Variants in NELL1 observed in about 807,000 individuals in gnomAD.
NELL1 encodes protein kinase C-binding protein NELL1.
A neutral mutation model predicts 107.4 loss-of-function variants in NELL1; 76 were observed. That is an observed-to-expected ratio of 0.71 (90% CI 0.59 to 0.86). The LOEUF is 0.86. Ranked by LOEUF, NELL1 falls within the 40% of genes least tolerant of loss-of-function variation. The pLI is 0.00. For missense variants in NELL1, 1,024 were observed against 1,005.5 expected (o/e 1.02, Z -0.25); for synonymous variants, 353 against 341.2 (o/e 1.03, Z -0.38).
chr11:21,357,597 G>A (rs1488882422), intron 14 of NELL1, among the ~76,000 whole-genome samples: 3 of 152,014 alleles, frequency 2.0e-5, no homozygotes, highest in Admixed American at 6.6e-5. Flanking sequence ...CTGTTCTGTG[G>A]GTTGTCTGTT....
intron 14 of NELL1, 112 bp downstream of exon 14, chr11:21,229,566 G>A: frequency 1.4e-6 from 2 of 1,412,518 alleles, no homozygotes; most frequent in Non-Finnish European, 9.7e-7. Flanking sequence ...CAGGGTTCCT[G>A]CTCCTGGTTT....
At chr11:21,187,742 A>C (rs1316758127) in intron 13 of NELL1, among the ~76,000 whole-genome samples, 1 of 151,778 alleles carries the variant, frequency 6.6e-6, no homozygotes, top group Non-Finnish European at 1.5e-5. Flanking sequence ...TAGAATGTTC[A>C]AGATAGGCTA....
At chr11:21,035,737 A>G (rs1451107860) in intron 12 of NELL1, among the ~76,000 whole-genome samples, 1 of 152,182 alleles carries the variant, frequency 6.6e-6, no homozygotes, top group Non-Finnish European at 1.5e-5. Flanking sequence ...CATACTTCAA[A>G]ATGATAGGAG....
intron 15 of NELL1, among the ~76,000 whole-genome samples, chr11:21,378,255 G>A (rs914983553): frequency 2.2e-5 from 2 of 90,540 alleles, no homozygotes; most frequent in African/African-American, 1.1e-4. Flanking sequence ...TAAAAAATAT[G>A]CATATATATG....
intron 3 of NELL1, among the ~76,000 whole-genome samples, chr11:20,812,256 T>G (rs1400387463): frequency 1.3e-5 from 2 of 152,210 alleles, no homozygotes; most frequent in Non-Finnish European, 2.9e-5. Flanking sequence ...TTTCACATGG[T>G]GAACCATCCT....
chr11:21,261,765 T>C (rs962480784), intron 14 of NELL1, among the ~76,000 whole-genome samples: 3 of 151,876 alleles, frequency 2.0e-5, no homozygotes, highest in African/African-American at 7.2e-5. Context: ...TACATACATG[T>C]AGTTTAAAGA....
At chr11:20,708,633 C>T (rs1564872984) in intron 2 of NELL1, among the ~76,000 whole-genome samples, 3 of 152,028 alleles carry the variant, frequency 2.0e-5, no homozygotes, top group South Asian at 4.1e-4. Flanking sequence ...AGTTCTTTGT[C>T]AGATGCATAA....
At chr11:20,872,089 C>T (rs1344834654) in intron 4 of NELL1, among the ~76,000 whole-genome samples, 1 of 150,006 alleles carries the variant, frequency 6.7e-6, no homozygotes, top group Non-Finnish European at 1.5e-5. Flanking sequence ...GAGCTATATC[C>T]TGTGGCTGGG....
chr11:20,860,374 A>T (rs1848956740), intron 4 of NELL1, among the ~76,000 whole-genome samples: 1 of 152,196 alleles, frequency 6.6e-6, no homozygotes, highest in African/African-American at 2.4e-5. Context: ...ATTTGCAAAT[A>T]CCTGAATGAA....
At chr11:21,330,743 T>C (rs1850255839) in intron 14 of NELL1, among the ~76,000 whole-genome samples, 1 of 152,076 alleles carries the variant, frequency 6.6e-6, no homozygotes, top group South Asian at 2.1e-4. Context: ...TTGAGCTTCT[T>C]GGATGTGTCA....
chr11:21,390,529 AC>A (rs755963074), intron 15 of NELL1, among the ~76,000 whole-genome samples: 23 of 151,410 alleles, frequency 1.5e-4, no homozygotes, highest in Non-Finnish European at 1.3e-4. Flanking sequence ...ACACACACAC[AC>A]ACACACACGT....
At position 21,309,292 on chromosome 11, in the gene NELL1, ATATATATG is replaced by A. The variant is rs1422360498; in HGVS notation, c.1550-61553_1550-61546del. ...TATATATATATATGTATATATATAT[ATATATATG>A]TATATATATATAATATATATATATA... is the stretch of plus-strand genomic sequence containing the variant. On this transcript the variant is annotated intron_variant, in intron 14 of 19. Transcript: ENST00000357134. Among the ~76,000 whole-genome samples, 750 of 82,042 alleles carry A rather than the reference ATATATATG, an allele frequency of 9.1e-3. 12 individuals are homozygous for A. The highest frequency in any genetic ancestry group is 0.025 in the South Asian group (68 of 2,708). The allele number at this position is 82,042 out of a possible 152,430, so 53.8% of individuals were successfully genotyped here. A position where few individuals can be genotyped will look rare whatever the true frequency, so the allele number is the denominator to read the frequency against.
chr11:21,297,990 G>A (rs1312216318), intron 14 of NELL1, among the ~76,000 whole-genome samples: 1 of 151,854 alleles, frequency 6.6e-6, no homozygotes, highest in Non-Finnish European at 1.5e-5. Flanking sequence ...TGCTTGACAT[G>A]CAAACCTTTT....
chr11:20,803,676 G>A (rs1287636436), intron 3 of NELL1, among the ~76,000 whole-genome samples: 1 of 152,000 alleles, frequency 6.6e-6, no homozygotes, highest in African/African-American at 2.4e-5. Context: ...TTCTTTTGAT[G>A]TTGGTTTTGA....
chr11:20,871,060 G>A (rs531903031), intron 4 of NELL1, among the ~76,000 whole-genome samples: 19 of 152,268 alleles, frequency 1.2e-4, no homozygotes, highest in Admixed American at 4.6e-4. Flanking sequence ...AAAAAGCACC[G>A]CTTGGTAGTT....
intron 13 of NELL1, among the ~76,000 whole-genome samples, chr11:21,124,430 A>G (rs2133747312): frequency 6.6e-6 from 1 of 152,270 alleles, no homozygotes; most frequent in Admixed American, 6.5e-5. Context: ...TGGCAACTGA[A>G]GGCCACTTGC....
chr11:21,346,371 A>G (rs527407253), intron 14 of NELL1, among the ~76,000 whole-genome samples: 1 of 151,994 alleles, frequency 6.6e-6, no homozygotes, highest in Non-Finnish European at 1.5e-5. Flanking sequence ...CTTTGAATTG[A>G]TTGAGTTATA....
At chr11:20,908,409 C>T (rs1353323739) in intron 5 of NELL1, among the ~76,000 whole-genome samples, 1 of 152,108 alleles carries the variant, frequency 6.6e-6, no homozygotes, top group Admixed American at 6.5e-5. Flanking sequence ...TTTGCAGGGA[C>T]ATGGATGAAG....
At chr11:20,890,484 G>C (rs1042812956) in intron 5 of NELL1, among the ~76,000 whole-genome samples, 1 of 152,036 alleles carries the variant, frequency 6.6e-6, no homozygotes, top group African/African-American at 2.4e-5. Context: ...TCTCCATCAA[G>C]GGCACAGAAC....
Sources: allele counts gnomAD v4.1 joint callset (sites outside exome capture counted in the v4.1 genomes callset), GRCh38; gene constraint gnomAD v4.1.1; transcripts MANE v1.5; gene names NCBI Gene and HGNC (gene_info 2026-07-23, HGNC 2026-07-21).